COMMD10: variants seen among roughly 807,000 people sequenced by gnomAD.
COMMD10 encodes COMM domain-containing protein 10.
COMMD10 carries 33 observed loss-of-function variants against 28.9 expected under a neutral mutation model. That is an observed-to-expected ratio of 1.14 (90% CI 0.87 to 1.53). The LOEUF (loss-of-function observed/expected upper bound fraction) is 1.53, where lower values mean the gene tolerates loss of function less well. Among genes scored for constraint, COMMD10 ranks in the 40% most tolerant of loss-of-function variants. COMMD10 has a pLI of 0.00. For missense variants in COMMD10, 310 were observed against 233.4 expected (o/e 1.33, Z -2.14); for synonymous variants, 110 against 81.7 (o/e 1.35, Z -1.87).
intron 5 of COMMD10, 109 bp downstream of exon 5, chr5:116,134,287 T>G (rs1751959603): frequency 9.6e-6 from 6 of 628,218 alleles, no homozygotes; most frequent in African/African-American, 1.9e-5. Flanking sequence ...ATAATTCAGT[T>G]AAACAGTTAT....
chr5:116,251,294 A>T (rs28658343), intron 5 of COMMD10, among the ~76,000 whole-genome samples: 9,569 of 131,376 alleles, frequency 0.073, 485 homozygotes, highest in African/African-American at 0.18. Flanking sequence ...TTATTTATTT[A>T]TTTATTTATT....
intron 4 of COMMD10, among the ~76,000 whole-genome samples, chr5:116,097,153 A>T (rs907389435): frequency 2.6e-5 from 4 of 152,152 alleles, no homozygotes; most frequent in Non-Finnish European, 4.4e-5. Flanking sequence ...ATCATTTGTC[A>T]TATAAAATAT....
intron 5 of COMMD10, among the ~76,000 whole-genome samples, chr5:116,163,338 A>C (rs985000049): frequency 2.0e-5 from 3 of 150,054 alleles, no homozygotes; most frequent in African/African-American, 7.5e-5. Flanking sequence ...TACTTCCAGC[A>C]CTTTGGGAGG....
intron 5 of COMMD10, among the ~76,000 whole-genome samples, chr5:116,212,446 G>A (rs1286846967): frequency 2.7e-5 from 4 of 145,484 alleles, no homozygotes; most frequent in Non-Finnish European, 4.5e-5. Context: ...AGGCCTGCAA[G>A]GGGAATGAAT....
chr5:116,256,713 T>G (rs1750296825), intron 5 of COMMD10, among the ~76,000 whole-genome samples: 1 of 151,858 alleles, frequency 6.6e-6, no homozygotes, highest in Non-Finnish European at 1.5e-5. Context: ...GTGAATTCAT[T>G]TATTTTTTAT....
At chr5:116,197,862 G>A (rs907433637) in intron 5 of COMMD10, among the ~76,000 whole-genome samples, 3 of 152,080 alleles carry the variant, frequency 2.0e-5, no homozygotes, top group Non-Finnish European at 2.9e-5. Context: ...ACTTGCCTAG[G>A]TTATATATTG....
intron 4 of COMMD10, among the ~76,000 whole-genome samples, chr5:116,124,183 C>A (rs144055404): frequency 6.6e-6 from 1 of 152,048 alleles, no homozygotes; most frequent in Non-Finnish European, 1.5e-5. Flanking sequence ...TTAGATCTGT[C>A]CATCTTTCTC....
intron 5 of COMMD10, among the ~76,000 whole-genome samples, chr5:116,188,803 A>AT (rs1748242952): frequency 6.6e-6 from 1 of 151,664 alleles, no homozygotes; most frequent in African/African-American, 2.4e-5. Flanking sequence ...TAATCTTTGT[A>AT]TTTTTTTGTA....
chr5:116,135,144 A>G (rs1303568395), intron 5 of COMMD10, among the ~76,000 whole-genome samples: 1 of 152,288 alleles, frequency 6.6e-6, no homozygotes, highest in African/African-American at 2.4e-5. Context: ...TCCTAAGTAG[A>G]TAAGACTATC....
chr5:116,101,007 G>T (rs1477760014), intron 4 of COMMD10, among the ~76,000 whole-genome samples: 1 of 152,108 alleles, frequency 6.6e-6, no homozygotes, highest in Admixed American at 6.5e-5. Flanking sequence ...GTCTTTCTGT[G>T]TCTGACTTGT....
chr5:116,263,955 C>A (rs1750516785), intron 5 of COMMD10, among the ~76,000 whole-genome samples: 1 of 151,788 alleles, frequency 6.6e-6, no homozygotes, highest in African/African-American at 2.4e-5. Context: ...TAAATCTCTT[C>A]AAATGTTTTA....
At chr5:116,186,763 A>G (rs1748151149) in intron 5 of COMMD10, among the ~76,000 whole-genome samples, 1 of 152,142 alleles carries the variant, frequency 6.6e-6, no homozygotes, top group Non-Finnish European at 1.5e-5. Context: ...AGCTTTTCCC[A>G]GTTCAGTGCA....
intron 5 of COMMD10, among the ~76,000 whole-genome samples, chr5:116,258,786 A>T (rs1396132404): frequency 6.6e-6 from 1 of 151,598 alleles, no homozygotes; most frequent in Non-Finnish European, 1.5e-5. Flanking sequence ...CTAGGATGCC[A>T]TATTATTAAT....
At chr5:116,256,016 A>G (rs547574958) in intron 5 of COMMD10, among the ~76,000 whole-genome samples, 2 of 151,720 alleles carry the variant, frequency 1.3e-5, no homozygotes, top group South Asian at 4.2e-4. Context: ...CTATTTTCGT[A>G]TTCAATCTCA....
At chr5:116,240,554 A>G (rs1388706387) in intron 5 of COMMD10, among the ~76,000 whole-genome samples, 3 of 152,180 alleles carry the variant, frequency 2.0e-5, no homozygotes, top group African/African-American at 7.2e-5. Flanking sequence ...TGCAGCTGGT[A>G]GGAGTTCTTC....
At chr5:116,274,076 T>A (rs1223520482) in intron 5 of COMMD10, among the ~76,000 whole-genome samples, 1 of 151,856 alleles carries the variant, frequency 6.6e-6, no homozygotes, top group East Asian at 1.9e-4. Context: ...CAACCTTTCC[T>A]ATAAAACAGC....
intron 4 of COMMD10, among the ~76,000 whole-genome samples, chr5:116,100,165 T>C (rs1750611373): frequency 6.6e-6 from 1 of 151,982 alleles, no homozygotes; most frequent in Admixed American, 6.6e-5. Flanking sequence ...GTTCAAAGAG[T>C]TTCAGATTTT....
At chr5:116,158,792 C>T (rs1752824200) in intron 5 of COMMD10, among the ~76,000 whole-genome samples, 1 of 151,674 alleles carries the variant, frequency 6.6e-6, no homozygotes, top group Non-Finnish European at 1.5e-5. Flanking sequence ...TGAGGATCCA[C>T]ATCTAAAACT....
At position 116,108,549 on chromosome 5, in the gene COMMD10, C is replaced by T. The variant is rs1421030226; in HGVS notation, c.399+15849C>T. Among the ~76,000 whole-genome samples, 5 of 152,370 alleles carry T rather than the reference C, an allele frequency of 3.3e-5. No homozygotes were observed. The East Asian group carries it at 9.6e-4, about 29-fold the overall frequency. ...GGCGGACGCCTGTCCCTCCACCAAG[C>T]TCGAGCTTCTAGGTCAACTCAGACT... On this transcript the variant is annotated intron_variant, in intron 4 of 6. Coordinates refer to ENST00000274458, the MANE Select transcript of COMMD10 (RefSeq NM_016144.4).
Sources: allele counts gnomAD v4.1 joint callset (sites outside exome capture counted in the v4.1 genomes callset), GRCh38; gene constraint gnomAD v4.1.1; transcripts MANE v1.5; gene names NCBI Gene and HGNC (gene_info 2026-07-23, HGNC 2026-07-21).